Variants in RAPGEF5 observed in about 807,000 individuals in gnomAD.
The protein encoded by RAPGEF5 is Rap guanine nucleotide exchange factor 5, also known as M-Ras-regulated GEF.
A neutral mutation model predicts 125.2 loss-of-function variants in RAPGEF5; 65 were observed. The observed-to-expected ratio is 0.52, with a 90% CI of 0.43 to 0.64. RAPGEF5 has a LOEUF of 0.64. Ranked by LOEUF, RAPGEF5 falls within the 30% of genes least tolerant of loss-of-function variation. RAPGEF5 has a pLI of 0.00. For synonymous variants in RAPGEF5, 391 were observed against 385.9 expected (o/e 1.01, Z -0.16); for missense variants, 958 against 1,048.1 (o/e 0.91, Z 1.19).
At chr7:22,216,287 G>A (rs927003389) in intron 9 of RAPGEF5, among the ~76,000 whole-genome samples, 1 of 152,130 alleles carries the variant, frequency 6.6e-6, no homozygotes, top group Admixed American at 6.5e-5. Context: ...CTTCTTTGAT[G>A]GCTTTCCTTT....
rs181598524 is a variant in RAPGEF5, at chr7:22,273,070, T to C, written c.748-6058A>G. On this transcript the variant is annotated intron_variant, in intron 6 of 25. Coordinates refer to ENST00000665637, the MANE Select transcript of RAPGEF5 (RefSeq NM_012294.5). ...CCACCATGCCCAGCCAAGAAACTAC[T>C]GTTCTCCACCAAATAGTTTATTTAA... Among the ~76,000 whole-genome samples, 24 of 152,188 alleles carry C rather than the reference T, an allele frequency of 1.6e-4. 1 individual carries two copies. Among genetic ancestry groups the C allele is most frequent in the African/African-American group, 5.8e-4 (24 of 41,522 alleles).
chr7:22,348,529 C>T (rs1030716229), intron 1 of RAPGEF5, among the ~76,000 whole-genome samples: 7 of 152,180 alleles, frequency 4.6e-5, no homozygotes, highest in Non-Finnish European at 8.8e-5. Context: ...TATAAATCTC[C>T]AAGTAGATGT....
chr7:22,225,775 T>A (rs1562770959), intron 8 of RAPGEF5, among the ~76,000 whole-genome samples: 1 of 152,214 alleles, frequency 6.6e-6, no homozygotes, highest in Non-Finnish European at 1.5e-5. Flanking sequence ...AGAAAAAAAA[T>A]AAAAGATTAA....
At chr7:22,347,149 C>A (rs770259727) in intron 1 of RAPGEF5, among the ~76,000 whole-genome samples, 7 of 152,022 alleles carry the variant, frequency 4.6e-5, no homozygotes, top group Non-Finnish European at 5.9e-5. Context: ...CCCCCACTTA[C>A]AATTTTGGTT....
In RAPGEF5 at chr7:22,306,455, T is replaced by G. The variant is rs1783344148; in HGVS notation, c.680+1884A>C. Reference sequence around the variant, plus strand: ...CCTATAGAGTTGAGTTCCTTATATATTCTGGTTATTAATCCCTTGCCAGAT... The same window carrying G: ...CCTATAGAGTTGAGTTCCTTATATAGTCTGGTTATTAATCCCTTGCCAGAT... On this transcript the variant is annotated intron_variant, in intron 5 of 25. Transcript: ENST00000665637. Among the ~76,000 whole-genome samples, 5 of 152,198 alleles carry G rather than the reference T, an allele frequency of 3.3e-5. No individual in the cohort carries two copies. In the East Asian group the frequency reaches 9.6e-4, roughly 29 times the overall value.
rs1462948575 is a variant in RAPGEF5 at position 22,155,234 on chromosome 7, A to C, written c.1637-630T>G. On this transcript the variant is annotated intron_variant, in intron 16 of 25. Coordinates refer to ENST00000665637, the MANE Select transcript of RAPGEF5 (RefSeq NM_012294.5). Reference sequence around the variant, plus strand: ...GTTTCCAAATGGAGGTCACATTTCTAGTCTTTTTAATTTCCTTTTTATTGT... The same window carrying C: ...GTTTCCAAATGGAGGTCACATTTCTCGTCTTTTTAATTTCCTTTTTATTGT... Among the ~76,000 whole-genome samples the C allele has an allele frequency of 4.6e-5, 7 of 152,214 alleles. No individual in the cohort carries two copies. The East Asian group carries it at 1.3e-3, about 29-fold the overall frequency.
intron 6 of RAPGEF5, among the ~76,000 whole-genome samples, chr7:22,284,823 A>C (rs550122513): frequency 6.6e-6 from 1 of 152,330 alleles, no homozygotes; most frequent in Admixed American, 6.5e-5. Flanking sequence ...AAGGGTGAAT[A>C]GAAACCCATT....
chr7:22,130,871 G>A (rs755768094), intron 24 of RAPGEF5, 166 bp downstream of exon 24: 47 of 931,374 alleles, frequency 5.0e-5, no homozygotes, highest in African/African-American at 8.5e-5. Context: ...TGTTGGCAGC[G>A]TACAACATGC....
intron 5 of RAPGEF5, among the ~76,000 whole-genome samples, chr7:22,295,231 C>T (rs891871391): frequency 5.3e-5 from 8 of 152,088 alleles, no homozygotes; most frequent in African/African-American, 1.7e-4. Context: ...CATTGTTCAC[C>T]TTCTCAAGAG....
At chr7:22,284,309 C>T (rs557502873) in intron 6 of RAPGEF5, among the ~76,000 whole-genome samples, 1 of 152,206 alleles carries the variant, frequency 6.6e-6, no homozygotes, top group Non-Finnish European at 1.5e-5. Context: ...TCCACGTGGT[C>T]CTACAGACTG....
intron 5 of RAPGEF5, among the ~76,000 whole-genome samples, chr7:22,293,569 C>T (rs1283933065): frequency 2.0e-5 from 3 of 152,190 alleles, no homozygotes; most frequent in Non-Finnish European, 4.4e-5. Flanking sequence ...TCAGGATCAC[C>T]TTTCTAAAAC....
At chr7:22,276,388 A>T (rs569899728) in intron 6 of RAPGEF5, among the ~76,000 whole-genome samples, 1 of 152,114 alleles carries the variant, frequency 6.6e-6, no homozygotes, top group South Asian at 2.1e-4. Flanking sequence ...CATTCCATAC[A>T]TATCTTTTCT....
At chr7:22,285,483 G>A (rs1782776394) in intron 6 of RAPGEF5, among the ~76,000 whole-genome samples, 1 of 152,164 alleles carries the variant, frequency 6.6e-6, no homozygotes, top group South Asian at 2.1e-4. Context: ...CAATTTAAAA[G>A]TTTCCAATCA....
chr7:22,212,020 G>T (rs1212255175), intron 9 of RAPGEF5, among the ~76,000 whole-genome samples: 1 of 139,524 alleles, frequency 7.2e-6, no homozygotes, highest in Non-Finnish European at 1.5e-5. Flanking sequence ...AGGCTGGAAT[G>T]CAGTGGCACA....
chr7:22,238,039 GAA>G (rs994107532), intron 7 of RAPGEF5, among the ~76,000 whole-genome samples: 25 of 152,130 alleles, frequency 1.6e-4, no homozygotes, highest in African/African-American at 6.0e-4. Context: ...GTAAACTGAA[GAA>G]ACCCCTGGGA....
intron 5 of RAPGEF5, among the ~76,000 whole-genome samples, chr7:22,292,644 C>G (rs1782960368): frequency 6.6e-6 from 1 of 152,078 alleles, no homozygotes; most frequent in African/African-American, 2.4e-5. Context: ...GCTTTATAAC[C>G]TCAACCACCA....
At chr7:22,334,399 T>C (rs915630116) in intron 1 of RAPGEF5, among the ~76,000 whole-genome samples, 4 of 152,214 alleles carry the variant, frequency 2.6e-5, no homozygotes, top group Admixed American at 6.5e-5. Flanking sequence ...AATGTAGACA[T>C]TGAGGTCTTT....
chr7:22,263,330 A>G (rs560743804), intron 7 of RAPGEF5, among the ~76,000 whole-genome samples: 70 of 152,354 alleles, frequency 4.6e-4, no homozygotes, highest in Non-Finnish European at 8.7e-4. Context: ...ATTTATTACA[A>G]TTGTGTGCAA....
At chr7:22,263,414 T>A (rs1782204344) in intron 7 of RAPGEF5, among the ~76,000 whole-genome samples, 1 of 152,174 alleles carries the variant, frequency 6.6e-6, no homozygotes, top group Admixed American at 6.5e-5. Flanking sequence ...ATATATAATA[T>A]ATCATATCTG....
Sources: allele counts gnomAD v4.1 joint callset (sites outside exome capture counted in the v4.1 genomes callset), GRCh38; gene constraint gnomAD v4.1.1; transcripts MANE v1.5; gene names NCBI Gene and HGNC (gene_info 2026-07-23, HGNC 2026-07-21).